The following UNC45B variants were observed in gnomAD, a reference collection of about 807,000 sequenced individuals.
UNC45B encodes protein unc-45 homolog B.
Under a neutral mutation model 98.7 loss-of-function variants are expected in UNC45B, and 78 were observed. The observed-to-expected ratio is 0.79, with a 90% CI of 0.66 to 0.95. UNC45B has a LOEUF of 0.95. Ranked by LOEUF, UNC45B falls within the 40% of genes least tolerant of loss-of-function variation. The pLI, the probability that UNC45B is intolerant of heterozygous loss-of-function variation, is 0.00. For missense variants in UNC45B, 1,225 were observed against 1,184.9 expected (o/e 1.03, Z -0.50); for synonymous variants, 462 against 480.4 (o/e 0.96, Z 0.50).
At chr17:35,170,923 T>C (rs2092180723) in intron 12 of UNC45B, among the ~76,000 whole-genome samples, 1 of 150,826 alleles carries the variant, frequency 6.6e-6, no homozygotes, top group South Asian at 2.1e-4. Context: ...CCTTTCCTCA[T>C]CTGCTGGGCC....
At chr17:35,174,657 A>G (rs961888089) in intron 14 of UNC45B, among the ~76,000 whole-genome samples, 2 of 151,728 alleles carry the variant, frequency 1.3e-5, no homozygotes, top group Non-Finnish European at 2.9e-5. Flanking sequence ...CCATCTGTAC[A>G]AAAAAATTTT....
chr17:35,174,344 G>C lies in UNC45B; in HGVS notation c.1933G>C (p.Asp645His), dbSNP rs756203177. Reference sequence around the variant, plus strand: ...GAAAGCAGATAGTGCCATCCTCACTGACCAGACCAAGGAGCTGCTGGCCAG... The same window carrying C: ...GAAAGCAGATAGTGCCATCCTCACTCACCAGACCAAGGAGCTGCTGGCCAG... ...MVKADSAILTDQTKELLARVF... is the reference protein window; with the variant it reads ...MVKADSAILTHQTKELLARVF... Residue 645 changes from aspartate to histidine, a missense_variant, in exon 14 of 20, where the codon GAC (aspartate) becomes CAC (histidine). By Grantham distance (81) the Asp-to-His change is moderately conservative. Coordinates refer to ENST00000394570, the MANE Select transcript of UNC45B (RefSeq NM_001267052.2). 6.2e-7 allele frequency: 1 copy of C among 1,614,152 alleles called. No individual in the cohort carries two copies. The highest frequency in any genetic ancestry group is 8.5e-7 in the Non-Finnish European group (1 of 1,180,006).
At chr17:35,164,441 TG>T (rs1472995244) in intron 9 of UNC45B, 1 of 274,280 alleles carries the variant, frequency 3.6e-6, no homozygotes, top group Non-Finnish European at 6.8e-6. Flanking sequence ...ACACTGGTGC[TG>T]GCTGTTGGTG....
chr17:35,186,170 T>G (rs2092302033), intron 19 of UNC45B, 129 bp from the exon 20 acceptor site: 1 of 1,221,858 alleles, frequency 8.2e-7, no homozygotes, highest in Admixed American at 2.4e-5. Flanking sequence ...TAATTCCTCT[T>G]AATGACCTAA....
chr17:35,152,264 T>G (rs2092025257), intron 4 of UNC45B, among the ~76,000 whole-genome samples: 1 of 151,614 alleles, frequency 6.6e-6, no homozygotes, highest in Non-Finnish European at 1.5e-5. Context: ...AAATTAAAAA[T>G]TAAAAAATGT....
intron 19 of UNC45B, among the ~76,000 whole-genome samples, chr17:35,185,333 A>G (rs1466786872): frequency 6.6e-6 from 1 of 151,294 alleles, no homozygotes; most frequent in African/African-American, 2.4e-5. Context: ...TTTGAGACAC[A>G]GTCTTGCTCT....
intron 8 of UNC45B, among the ~76,000 whole-genome samples, chr17:35,160,767 G>C (rs939301997): frequency 6.6e-6 from 1 of 152,156 alleles, no homozygotes; most frequent in Non-Finnish European, 1.5e-5. Flanking sequence ...ATGTGTTCTA[G>C]CAGACAGTCA....
intron 17 of UNC45B, among the ~76,000 whole-genome samples, chr17:35,179,084 C>A (rs2092256109): frequency 6.6e-6 from 1 of 152,182 alleles, no homozygotes; most frequent in African/African-American, 2.4e-5. Flanking sequence ...TTTTCCAATT[C>A]TGTGAAGAAA....
chr17:35,186,208 C>T, intron 19 of UNC45B, 91 bp from the exon 20 acceptor site: 1 of 1,537,490 alleles, frequency 6.5e-7, no homozygotes, highest in Non-Finnish European at 8.8e-7. Flanking sequence ...CACCTCCTAA[C>T]ATTGCCACAC....
At chr17:35,175,251 T>C (rs1266463176) in intron 14 of UNC45B, among the ~76,000 whole-genome samples, 1 of 152,086 alleles carries the variant, frequency 6.6e-6, no homozygotes, top group Admixed American at 6.6e-5. Context: ...CTGTTCCTTC[T>C]TGTTACCTTG....
chr17:35,148,827 C>T (rs996812095), intron 2 of UNC45B, 146 bp from the exon 3 acceptor site: 73 of 912,130 alleles, frequency 8.0e-5, no homozygotes, highest in Non-Finnish European at 1.1e-4. Flanking sequence ...GTCCTCTTTG[C>T]CATGCCTGTG....
intron 4 of UNC45B, among the ~76,000 whole-genome samples, chr17:35,152,448 A>G (rs1298666641): frequency 6.6e-6 from 1 of 152,112 alleles, no homozygotes; most frequent in Non-Finnish European, 1.5e-5. Context: ...AATGAGTTCA[A>G]TTTGCTTGAA....
chr17:35,166,275 A>T (rs2092140809), intron 9 of UNC45B, among the ~76,000 whole-genome samples: 1 of 151,786 alleles, frequency 6.6e-6, no homozygotes, highest in Non-Finnish European at 1.5e-5. Context: ...CTCAAATAAA[A>T]TAAAATAATG....
chr17:35,178,964 A>G (rs2092255046), intron 17 of UNC45B, among the ~76,000 whole-genome samples: 2 of 152,214 alleles, frequency 1.3e-5, no homozygotes, highest in African/African-American at 4.8e-5. Flanking sequence ...GTTTGAAGTC[A>G]GGTAGCGTGA....
chr17:35,169,703 T>C, intron 10 of UNC45B, 134 bp from the exon 11 acceptor site: 1 of 717,036 alleles, frequency 1.4e-6, no homozygotes, highest in Non-Finnish European at 2.4e-6. Flanking sequence ...TTTTACAGTC[T>C]GCACAGAGGT....
chr17:35,156,303 A>G (rs756307651), intron 7 of UNC45B, among the ~76,000 whole-genome samples: 16 of 152,190 alleles, frequency 1.1e-4, no homozygotes, highest in Non-Finnish European at 1.5e-4. Context: ...ATGTGAATAT[A>G]CTTAATGCCA....
At chr17:35,172,472 C>T (rs541760730) in intron 13 of UNC45B, among the ~76,000 whole-genome samples, 2 of 152,354 alleles carry the variant, frequency 1.3e-5, no homozygotes, top group African/African-American at 4.8e-5. Flanking sequence ...TGGTCTCAAA[C>T]TCCTGACCTC....
At chr17:35,169,010 AATT>A (rs1354737354) in intron 10 of UNC45B, among the ~76,000 whole-genome samples, 1 of 150,980 alleles carries the variant, frequency 6.6e-6, no homozygotes, top group East Asian at 2.0e-4. Context: ...CCTGGCCTGA[AATT>A]ATTATTATTA....
In UNC45B at chr17:35,186,912, T is replaced by A. The variant is rs745923301; in HGVS notation, c.*353T>A. On this transcript the variant is annotated 3_prime_UTR_variant, in exon 20 of 20. Coordinates refer to ENST00000394570, the MANE Select transcript of UNC45B (RefSeq NM_001267052.2). ...TTTATATTTTGGAAAATGGATTTTG[T>A]GGTAAGGTAGGAACTAACGGGTGTG... 5.8e-5 allele frequency: 14 copies of A among 240,712 alleles called. No homozygotes were observed. The highest frequency in any genetic ancestry group is 1.0e-4 in the Admixed American group (2 of 19,454). The allele number at this position is 240,712 out of a possible 1,614,324, so 14.9% of individuals were successfully genotyped here. A position where few individuals can be genotyped will look rare whatever the true frequency, so the allele number is the denominator to read the frequency against.
Sources: allele counts gnomAD v4.1 joint callset (sites outside exome capture counted in the v4.1 genomes callset), GRCh38; gene constraint gnomAD v4.1.1; transcripts MANE v1.5; gene names NCBI Gene and HGNC (gene_info 2026-07-23, HGNC 2026-07-21).